The following DPF3 variants were observed in gnomAD, a reference collection of about 807,000 sequenced individuals.
DPF3 encodes zinc finger protein DPF3.
Under a neutral mutation model 56.8 loss-of-function variants are expected in DPF3, and 18 were observed. The observed-to-expected ratio is 0.32, with a 90% CI of 0.22 to 0.47. DPF3 has a LOEUF of 0.47. Among genes scored for constraint, DPF3 ranks in the 20% least tolerant of loss-of-function variants. DPF3 has a pLI of 1.00. For missense variants in DPF3, 403 were observed against 488.8 expected, an observed-to-expected ratio of 0.82 and a Z score of 1.65; for synonymous variants, 188 against 180.2, an observed-to-expected ratio of 1.04 and a Z score of -0.35.
At chr14:72,805,536 T>C (rs1290944280) in intron 1 of DPF3, among the ~76,000 whole-genome samples, 1 of 149,682 alleles carries the variant, frequency 6.7e-6, no homozygotes, top group Non-Finnish European at 1.5e-5. Context: ...CAGCATGCCA[T>C]GCACGCACAG....
intron 8 of DPF3, among the ~76,000 whole-genome samples, chr14:72,632,091 A>C (rs1599318353): frequency 6.6e-6 from 1 of 152,230 alleles, no homozygotes. Context: ...AGGTAGCTGG[A>C]GAAGGATTAC....
At chr14:72,784,831 C>G (rs1892142728) in intron 1 of DPF3, among the ~76,000 whole-genome samples, 1 of 152,088 alleles carries the variant, frequency 6.6e-6, no homozygotes, top group South Asian at 2.1e-4. Context: ...GTAGCAGGTG[C>G]CTGTAGTTCC....
chr14:72,613,592 C>T lies in DPF3; in HGVS notation c.*5705G>A, dbSNP rs992047629. Among the ~76,000 whole-genome samples, 1 of 152,154 alleles carries T rather than the reference C, an allele frequency of 6.6e-6. No individual in the cohort carries two copies. Among genetic ancestry groups the T allele is most frequent in the African/African-American group, 2.4e-5 (1 of 41,426 alleles). ...GGGGACAGAAGCTGGAACAAAGGGC[C>T]CTGGGGAGTCACCTCAGGACCCCCT... On this transcript the variant is annotated 3_prime_UTR_variant, in exon 11 of 11. Coordinates refer to ENST00000556509, the MANE Select transcript of DPF3 (RefSeq NM_001280542.3).
At chr14:72,878,951 G>T (rs56859727) in intron 1 of DPF3, among the ~76,000 whole-genome samples, 1 of 152,384 alleles carries the variant, frequency 6.6e-6, no homozygotes, top group East Asian at 1.9e-4. Context: ...TGAAGGCAGA[G>T]AATGAGAAAC....
At chr14:72,818,021 A>G (rs185180289) in intron 1 of DPF3, among the ~76,000 whole-genome samples, 6 of 152,186 alleles carry the variant, frequency 3.9e-5, no homozygotes, top group African/African-American at 1.4e-4. Flanking sequence ...CAAGGTGGGC[A>G]GATCACTTGA....
At chr14:72,766,271 T>G (rs1296337974) in intron 2 of DPF3, among the ~76,000 whole-genome samples, 2 of 152,186 alleles carry the variant, frequency 1.3e-5, no homozygotes, top group East Asian at 3.8e-4. Context: ...TTCCTCTCAC[T>G]AAGCACAACT....
intron 1 of DPF3, among the ~76,000 whole-genome samples, chr14:72,811,764 A>AATTGCATAT (rs1883054843): frequency 1.3e-5 from 2 of 152,160 alleles, no homozygotes; most frequent in Admixed American, 1.3e-4. Flanking sequence ...CACTTTGCAA[A>AATTGCATAT]ACACTTTCAC....
intron 1 of DPF3, among the ~76,000 whole-genome samples, chr14:72,801,636 G>A (rs1444289304): frequency 1.3e-5 from 2 of 152,206 alleles, no homozygotes; most frequent in Non-Finnish European, 2.9e-5. Context: ...TCCAGGGACT[G>A]CCAAGGAGTG....
chr14:72,681,641 C>G (rs1294780050), intron 7 of DPF3, among the ~76,000 whole-genome samples: 1 of 152,218 alleles, frequency 6.6e-6, no homozygotes. Context: ...TAGATACAAA[C>G]CTGGTGAATA....
At position 72,671,646 on chromosome 14, in the gene DPF3, C is replaced by A. The variant is rs961142811; in HGVS notation, c.871+2594G>T. Among the ~76,000 whole-genome samples the A allele has an allele frequency of 1.1e-4, 17 of 152,232 alleles. 1 individual carries two copies. Among genetic ancestry groups the A allele is most frequent in the Admixed American group, 1.1e-3 (17 of 15,286 alleles). On this transcript the variant is annotated intron_variant, in intron 8 of 10. Transcript: ENST00000556509. Reference sequence around the variant, plus strand: ...TTGTGCATACACACAGGCGCTTGCACGCTCACTCAACCCTGCCCCAGACAA... The same window carrying A: ...TTGTGCATACACACAGGCGCTTGCAAGCTCACTCAACCCTGCCCCAGACAA...
At chr14:72,775,041 C>T (rs1310800815) in intron 1 of DPF3, among the ~76,000 whole-genome samples, 1 of 152,140 alleles carries the variant, frequency 6.6e-6, no homozygotes, top group African/African-American at 2.4e-5. Flanking sequence ...CTCCAGCCCC[C>T]ACCCATGAAA....
At chr14:72,791,576 G>A (rs796590717) in intron 1 of DPF3, among the ~76,000 whole-genome samples, 4 of 152,298 alleles carry the variant, frequency 2.6e-5, no homozygotes, top group South Asian at 2.1e-4. Flanking sequence ...CCCCCTGTGC[G>A]GGGTGTTAAG....
chr14:72,760,260 C>A (rs145748516), intron 2 of DPF3, among the ~76,000 whole-genome samples: 2 of 152,134 alleles, frequency 1.3e-5, no homozygotes, highest in Non-Finnish European at 2.9e-5. Context: ...CACCTGAGGT[C>A]GGGAGTTCGA....
At position 72,762,327 on chromosome 14, in the gene DPF3, G is replaced by C. The variant is rs113553009; in HGVS notation, c.194-8956C>G. Among the ~76,000 whole-genome samples the C allele has an allele frequency of 2.2e-3, 341 of 151,846 alleles. 4 individuals carry two copies. Among genetic ancestry groups the C allele is most frequent in the African/African-American group, 8.0e-3 (332 of 41,518 alleles). On this transcript the variant is annotated intron_variant, in intron 2 of 10. Transcript: ENST00000556509. ...CATGAATCTAACAATACATTAAAAA[G>C]ATAAAATAGCATAACAAAGTGGGGT...
intron 3 of DPF3, among the ~76,000 whole-genome samples, chr14:72,747,334 G>C (rs138442084): frequency 6.6e-6 from 1 of 152,088 alleles, no homozygotes; most frequent in Admixed American, 6.5e-5. Flanking sequence ...AATTGGTTGT[G>C]GGGGGGTAAT....
intron 8 of DPF3, chr14:72,661,010 C>G: frequency 1.0e-6 from 1 of 974,128 alleles, no homozygotes. Flanking sequence ...ACAGGATGAG[C>G]TTGGTTGGTC....
chr14:72,864,295 C>T (rs1171216699), intron 1 of DPF3, among the ~76,000 whole-genome samples: 1 of 152,144 alleles, frequency 6.6e-6, no homozygotes, highest in African/African-American at 2.4e-5. Flanking sequence ...CTCAGTGAAG[C>T]CACCTCTCGC....
intron 1 of DPF3, among the ~76,000 whole-genome samples, chr14:72,775,505 C>T (rs185201865): frequency 2.6e-5 from 4 of 152,128 alleles, no homozygotes; most frequent in East Asian, 1.9e-4. Flanking sequence ...GCACACTGGG[C>T]GAAAATTAAT....
intron 2 of DPF3, among the ~76,000 whole-genome samples, chr14:72,767,167 CTAGCA>C (rs1354227059): frequency 2.0e-5 from 3 of 152,216 alleles, no homozygotes; most frequent in Admixed American, 2.0e-4. Context: ...GCCTCCCCTA[CTAGCA>C]TAGCTTGAAA....
Sources: gnomAD v4.1 joint callset for allele counts (sites outside exome capture counted in the v4.1 genomes callset) on GRCh38, gnomAD v4.1.1 for gene constraint, MANE v1.5 for transcripts, NCBI Gene and HGNC (gene_info 2026-07-23, HGNC 2026-07-21) for gene names.